Variants in GPC5 observed in about 807,000 individuals in gnomAD.
GPC5 encodes the protein glypican-5.
Under a neutral mutation model 53.9 loss-of-function variants are expected in GPC5, and 47 were observed. The observed-to-expected ratio is 0.87, with a 90% CI of 0.69 to 1.11. GPC5 has a LOEUF of 1.11. Among genes scored for constraint, GPC5 ranks in the 50% most tolerant of loss-of-function variants. GPC5 has a pLI of 0.00. For synonymous variants in GPC5, 286 were observed against 263.3 expected (o/e 1.09, Z -0.84); for missense variants, 748 against 713.1 (o/e 1.05, Z -0.56).
At chr13:92,568,079 TGGCAGGCTGA>T (rs2139037542) in intron 7 of GPC5, among the ~76,000 whole-genome samples, 2 of 152,240 alleles carry the variant, frequency 1.3e-5, no homozygotes, top group South Asian at 4.1e-4. Context: ...CCCAGCACTC[TGGCAGGCTGA>T]GGCAGGAGAA....
chr13:92,636,432 T>C (rs1885407247), intron 7 of GPC5, among the ~76,000 whole-genome samples: 1 of 152,142 alleles, frequency 6.6e-6, no homozygotes, highest in Non-Finnish European at 1.5e-5. Context: ...TCTTGGCCCT[T>C]CTTGTCAAGT....
At chr13:91,974,233 G>A (rs545426040) in intron 6 of GPC5, among the ~76,000 whole-genome samples, 69 of 152,224 alleles carry the variant, frequency 4.5e-4, no homozygotes, top group Admixed American at 1.7e-3. Flanking sequence ...CTCTCTCACC[G>A]CTCCTATTCA....
chr13:92,811,808 C>T (rs925238187), intron 7 of GPC5, among the ~76,000 whole-genome samples: 3 of 151,876 alleles, frequency 2.0e-5, no homozygotes, highest in African/African-American at 7.3e-5. Context: ...TGTTCAACAT[C>T]ATACTTTTGA....
chr13:92,374,880 TAAA>T (rs201086148), intron 7 of GPC5, among the ~76,000 whole-genome samples: 3 of 135,002 alleles, frequency 2.2e-5, no homozygotes, highest in Non-Finnish European at 4.9e-5. Context: ...AAAAAAAAAA[TAAA>T]AAAAAAAGTA....
intron 3 of GPC5, among the ~76,000 whole-genome samples, chr13:91,694,418 C>A (rs954931115): frequency 1.3e-5 from 2 of 152,134 alleles, no homozygotes; most frequent in Non-Finnish European, 2.9e-5. Flanking sequence ...AAAAGAGTTT[C>A]TTCAGAGATG....
chr13:91,976,560 A>G (rs1392676361), intron 6 of GPC5, among the ~76,000 whole-genome samples: 1 of 152,184 alleles, frequency 6.6e-6, no homozygotes, highest in Non-Finnish European at 1.5e-5. Context: ...AGAGAGGGAT[A>G]AGGAAGAGGA....
At chr13:91,788,848 G>A (rs1448423638) in intron 5 of GPC5, among the ~76,000 whole-genome samples, 1 of 152,120 alleles carries the variant, frequency 6.6e-6, no homozygotes, top group Non-Finnish European at 1.5e-5. Flanking sequence ...AGGAAACTTT[G>A]TGTTACATGA....
chr13:91,474,635 A>G (rs1882827491), intron 2 of GPC5, among the ~76,000 whole-genome samples: 1 of 152,118 alleles, frequency 6.6e-6, no homozygotes, highest in African/African-American at 2.4e-5. Flanking sequence ...TAAATTGCCC[A>G]TTTATAGCAG....
chr13:92,322,082 C>A (rs909423106), intron 7 of GPC5, among the ~76,000 whole-genome samples: 1 of 152,034 alleles, frequency 6.6e-6, no homozygotes, highest in Non-Finnish European at 1.5e-5. Context: ...TATAAACCTG[C>A]ACTTGTACCC....
At chr13:92,102,442 G>T (rs2041474796) in intron 6 of GPC5, among the ~76,000 whole-genome samples, 1 of 152,120 alleles carries the variant, frequency 6.6e-6, no homozygotes, top group Non-Finnish European at 1.5e-5. Flanking sequence ...GTAGCAGTTG[G>T]TTTTTCTTTT....
chr13:91,838,720 G>C (rs1278692993), intron 5 of GPC5, among the ~76,000 whole-genome samples: 1 of 152,072 alleles, frequency 6.6e-6, no homozygotes, highest in African/African-American at 2.4e-5. Flanking sequence ...TGAGTTAGGA[G>C]GCACTGTCGT....
chr13:91,544,205 T>C (rs575970323), intron 2 of GPC5, among the ~76,000 whole-genome samples: 264 of 55,814 alleles, frequency 4.7e-3, no homozygotes, highest in Middle Eastern at 0.015. Context: ...TATAAAATCA[T>C]TGGCTAATTG....
At chr13:92,603,177 C>T (rs1884138860) in intron 7 of GPC5, among the ~76,000 whole-genome samples, 1 of 152,148 alleles carries the variant, frequency 6.6e-6, no homozygotes, top group Admixed American at 6.5e-5. Flanking sequence ...GGTCTCAATT[C>T]CAATAACTCA....
intron 2 of GPC5, among the ~76,000 whole-genome samples, chr13:91,536,270 C>T (rs1229667306): frequency 6.6e-6 from 1 of 152,122 alleles, no homozygotes; most frequent in Non-Finnish European, 1.5e-5. Context: ...TGGTTTTCAG[C>T]AACTCAGGGA....
intron 7 of GPC5, among the ~76,000 whole-genome samples, chr13:92,738,475 T>C (rs1888998307): frequency 6.6e-6 from 1 of 152,072 alleles, no homozygotes. Flanking sequence ...AATCAAAAAT[T>C]TGAGAAAATA....
Position 92,471,637 on chromosome 13 carries a change from T to G in GPC5, c.1561+326648T>G, listed in dbSNP as rs897993361. Among the ~76,000 whole-genome samples, 59 of 152,154 alleles carry G rather than the reference T, an allele frequency of 3.9e-4. 1 individual carries two copies. Among genetic ancestry groups the G allele is most frequent in the Admixed American group, 5.2e-4 (8 of 15,250 alleles). On this transcript the variant is annotated intron_variant, in intron 7 of 7. Coordinates refer to ENST00000377067, the MANE Select transcript of GPC5 (RefSeq NM_004466.6). ...ATATATAAATACACATATACATATA[T>G]ATAGAGAGAGAGGGAGAGAGAATGA...
At chr13:91,632,691 T>C (rs2034189154) in intron 2 of GPC5, among the ~76,000 whole-genome samples, 2 of 152,032 alleles carry the variant, frequency 1.3e-5, no homozygotes, top group Admixed American at 1.3e-4. Flanking sequence ...AAAAGATATA[T>C]TAGGGGCATG....
chr13:92,850,754 C>T (rs1353227116), intron 7 of GPC5, among the ~76,000 whole-genome samples: 1 of 152,190 alleles, frequency 6.6e-6, no homozygotes, highest in African/African-American at 2.4e-5. Context: ...CTGTCTCTCC[C>T]ATACATCAGT....
At chr13:91,909,157 C>T (rs990958453) in intron 6 of GPC5, among the ~76,000 whole-genome samples, 1 of 152,180 alleles carries the variant, frequency 6.6e-6, no homozygotes, top group African/African-American at 2.4e-5. Context: ...CTCGCCCTGG[C>T]TGGCAAAACC....
Sources: allele counts gnomAD v4.1 joint callset (sites outside exome capture counted in the v4.1 genomes callset), GRCh38; gene constraint gnomAD v4.1.1; transcripts MANE v1.5; gene names NCBI Gene and HGNC (gene_info 2026-07-23, HGNC 2026-07-21).